Variants in DIAPH3 observed in about 807,000 individuals in gnomAD.
DIAPH3 encodes the protein diaphanous related formin 3.
In DIAPH3, 117 loss-of-function variants were observed where a neutral mutation model predicts 144.3. The observed-to-expected ratio is 0.81, with a 90% CI of 0.70 to 0.95. The LOEUF is 0.95. DIAPH3 is among the 40% of genes least tolerant of loss of function. DIAPH3 has a pLI of 0.00. For missense variants in DIAPH3, 1,421 were observed against 1,412.7 expected (o/e 1.01, Z -0.09); for synonymous variants, 519 against 488.9 (o/e 1.06, Z -0.81).
intron 27 of DIAPH3, among the ~76,000 whole-genome samples, chr13:59,753,520 G>C (rs1364392717): frequency 6.6e-6 from 1 of 152,172 alleles, no homozygotes; most frequent in Admixed American, 6.5e-5. Context: ...TTTTGAGATA[G>C]AAAAGCAGAT....
intron 24 of DIAPH3, among the ~76,000 whole-genome samples, chr13:59,814,556 G>C (rs2040663784): frequency 6.6e-6 from 1 of 152,110 alleles, no homozygotes; most frequent in South Asian, 2.1e-4. Flanking sequence ...GCTTAAAACA[G>C]AAAAACTGAA....
intron 27 of DIAPH3, among the ~76,000 whole-genome samples, chr13:59,769,895 G>C (rs1381514557): frequency 6.6e-6 from 1 of 151,968 alleles, no homozygotes; most frequent in Non-Finnish European, 1.5e-5. Flanking sequence ...ACTATTTTCT[G>C]TAGACTACAG....
chr13:59,984,223 T>C (rs991315171), intron 12 of DIAPH3, among the ~76,000 whole-genome samples: 2 of 151,700 alleles, frequency 1.3e-5, no homozygotes, highest in African/African-American at 2.4e-5. Context: ...CTTTCCACTG[T>C]ACCACACTGA....
intron 23 of DIAPH3, among the ~76,000 whole-genome samples, chr13:59,835,122 C>T (rs1007970065): frequency 6.6e-6 from 1 of 151,732 alleles, no homozygotes; most frequent in Non-Finnish European, 1.5e-5. Flanking sequence ...CATTAACATA[C>T]TTTATAAGGA....
At chr13:59,916,343 T>C (rs144173997) in intron 18 of DIAPH3, 94 bp from the exon 19 acceptor site, 2 of 964,898 alleles carry the variant, frequency 2.1e-6, no homozygotes, top group South Asian at 1.4e-5. Flanking sequence ...AATAAATTCA[T>C]AAAACAAGAG....
chr13:59,803,804 A>C (rs1390842332), intron 25 of DIAPH3, among the ~76,000 whole-genome samples: 3 of 152,190 alleles, frequency 2.0e-5, no homozygotes, highest in Non-Finnish European at 2.9e-5. Context: ...CCTGCACATA[A>C]GTGAAAAGCT....
chr13:59,894,025 C>A (rs575533824), intron 20 of DIAPH3, among the ~76,000 whole-genome samples: 1 of 152,112 alleles, frequency 6.6e-6, no homozygotes, highest in South Asian at 2.1e-4. Flanking sequence ...AAATTGGTAG[C>A]CTTTCAATAA....
In DIAPH3 at chr13:59,994,446, G is replaced by A. The variant is rs553081149; in HGVS notation, c.1015-1863C>T. ...GAAGGGAGTGTCAATCAGCATTTAT[G>A]CCATATCAATCAACGCCTAGAGATA... is the stretch of plus-strand genomic sequence containing the variant. On this transcript the variant is annotated intron_variant, in intron 9 of 27. Coordinates refer to ENST00000400324, the MANE Select transcript of DIAPH3 (RefSeq NM_001042517.2). Among the ~76,000 whole-genome samples, 125 of 152,004 alleles carry A rather than the reference G, an allele frequency of 8.2e-4. No homozygotes were observed. In the Middle Eastern group the frequency reaches 0.01, roughly 12 times the overall value.
chr13:60,110,703 T>C (rs1225597742), intron 3 of DIAPH3, among the ~76,000 whole-genome samples: 2 of 152,218 alleles, frequency 1.3e-5, no homozygotes, highest in Non-Finnish European at 2.9e-5. Context: ...TCATTTTATT[T>C]CTGCTGAGTT....
At chr13:59,920,501 T>C (rs571326052) in intron 18 of DIAPH3, among the ~76,000 whole-genome samples, 13 of 151,194 alleles carry the variant, frequency 8.6e-5, no homozygotes, top group African/African-American at 3.1e-4. Context: ...GTAACACTTG[T>C]AAACATATAT....
intron 5 of DIAPH3, among the ~76,000 whole-genome samples, chr13:60,027,875 A>C (rs2054489800): frequency 1.3e-5 from 2 of 152,194 alleles, no homozygotes; most frequent in Admixed American, 1.3e-4. Flanking sequence ...TATGTGGAAA[A>C]GACGTTATGG....
intron 22 of DIAPH3, among the ~76,000 whole-genome samples, chr13:59,843,875 GTATT>G (rs2042475424): frequency 6.6e-6 from 1 of 152,148 alleles, no homozygotes; most frequent in African/African-American, 2.4e-5. Flanking sequence ...TTCCCTTGCT[GTATT>G]TATAAGTCGG....
chr13:60,131,671 T>G (rs1183475032), intron 2 of DIAPH3, among the ~76,000 whole-genome samples: 1 of 152,182 alleles, frequency 6.6e-6, no homozygotes, highest in African/African-American at 2.4e-5. Flanking sequence ...TTTATGAACA[T>G]GACGTTTCTT....
chr13:59,827,290 A>G (rs929035797), intron 24 of DIAPH3, among the ~76,000 whole-genome samples: 1 of 152,148 alleles, frequency 6.6e-6, no homozygotes, highest in African/African-American at 2.4e-5. Context: ...TCATCTGACA[A>G]AGGGCTAATA....
At chr13:59,687,631 T>C (rs1787516037) in intron 27 of DIAPH3, among the ~76,000 whole-genome samples, 1 of 151,960 alleles carries the variant, frequency 6.6e-6, no homozygotes, top group Non-Finnish European at 1.5e-5. Flanking sequence ...AAATGATATA[T>C]TGAAAAAACT....
rs575969469 is a variant in DIAPH3, at chr13:59,805,150, A to G, written c.3163+5638T>C. ...ACTAAAATATAGGAGCTGCTCATACAGTTTTTATTGCTCCATTAAATAAGC... is the reference window on the plus strand; with the variant it reads ...ACTAAAATATAGGAGCTGCTCATACGGTTTTTATTGCTCCATTAAATAAGC... On this transcript the variant is annotated intron_variant, in intron 25 of 27. Transcript: ENST00000400324. 2.0e-5 allele frequency among the ~76,000 whole-genome samples: 3 copies of G among 152,216 alleles called. No individual in the cohort carries two copies. In the East Asian group the frequency reaches 5.8e-4, roughly 29 times the overall value.
chr13:59,735,228 A>G (rs1339375158), intron 27 of DIAPH3, among the ~76,000 whole-genome samples: 1 of 152,190 alleles, frequency 6.6e-6, no homozygotes, highest in African/African-American at 2.4e-5. Context: ...GGTTTTACAG[A>G]TATGAAAATA....
chr13:60,124,088 T>C (rs1392043168), intron 2 of DIAPH3, among the ~76,000 whole-genome samples: 1 of 152,254 alleles, frequency 6.6e-6, no homozygotes, highest in Non-Finnish European at 1.5e-5. Flanking sequence ...CGCATTCATC[T>C]TTGAGTGAAG....
intron 3 of DIAPH3, among the ~76,000 whole-genome samples, chr13:60,105,266 T>C (rs1186500634): frequency 5.3e-5 from 8 of 152,180 alleles, no homozygotes; most frequent in African/African-American, 1.7e-4. Flanking sequence ...AGGCCACCTT[T>C]TCTACAGAAG....
Sources: allele counts gnomAD v4.1 joint callset (sites outside exome capture counted in the v4.1 genomes callset), GRCh38; gene constraint gnomAD v4.1.1; transcripts MANE v1.5; gene names NCBI Gene and HGNC (gene_info 2026-07-23, HGNC 2026-07-21).